The following DLGAP2 variants were observed in gnomAD, a reference collection of about 807,000 sequenced individuals.
DLGAP2 encodes the protein DLG associated protein 2, also known as disks large-associated protein 2.
DLGAP2 carries 26 observed loss-of-function variants against 100.3 expected under a neutral mutation model. That is an observed-to-expected ratio of 0.26 (90% CI 0.19 to 0.36). The LOEUF (loss-of-function observed/expected upper bound fraction) is 0.36, where lower values mean the gene tolerates loss of function less well. Ranked by LOEUF, DLGAP2 falls within the 10% of genes least tolerant of loss-of-function variation. The pLI is 1.00. For synonymous variants in DLGAP2, 886 were observed against 630.1 expected, an observed-to-expected ratio of 1.41 and a Z score of -6.08; for missense variants, 1,858 against 1,453.2, an observed-to-expected ratio of 1.28 and a Z score of -4.53.
At chr8:984,366 A>C (rs1354085802) in intron 2 of DLGAP2, among the ~76,000 whole-genome samples, 3 of 152,178 alleles carry the variant, frequency 2.0e-5, no homozygotes. Context: ...CCATAAAAAA[A>C]CTTCACTAAA....
At chr8:1,204,510 T>G (rs1797948685) in intron 2 of DLGAP2, among the ~76,000 whole-genome samples, 1 of 152,234 alleles carries the variant, frequency 6.6e-6, no homozygotes, top group African/African-American at 2.4e-5. Context: ...ATCTTAGTTT[T>G]CACACCTGGT....
rs369372179 is a variant in DLGAP2 at position 747,040 on chromosome 8, C to T, written c.18+9215C>T. ...CTAGGAAGGGAAATGGGCCCCTTGC[C>T]CTGGGCCTGGGGTGGTTTTACTCGC... On this transcript the variant is annotated intron_variant, in intron 1 of 14. Transcript: ENST00000637795. 3.7e-3 allele frequency among the ~76,000 whole-genome samples: 565 copies of T among 152,064 alleles called. 4 individuals are homozygous for T. The highest frequency in any genetic ancestry group is 0.014 in the South Asian group (69 of 4,810).
chr8:1,595,284 T>C (rs1316918780), intron 6 of DLGAP2, among the ~76,000 whole-genome samples: 1 of 152,036 alleles, frequency 6.6e-6, no homozygotes, highest in Non-Finnish European at 1.5e-5. Context: ...ATATATAAAC[T>C]TTTTATTGAC....
intron 2 of DLGAP2, among the ~76,000 whole-genome samples, chr8:1,128,969 A>G (rs1428862387): frequency 1.3e-5 from 2 of 152,182 alleles, no homozygotes; most frequent in Non-Finnish European, 2.9e-5. Flanking sequence ...TGGCAAGCTG[A>G]CGCTCCCCAC....
intron 5 of DLGAP2, among the ~76,000 whole-genome samples, chr8:1,556,300 C>G (rs980961733): frequency 1.3e-5 from 2 of 152,166 alleles, no homozygotes; most frequent in Non-Finnish European, 2.9e-5. Flanking sequence ...GGCTCTGCTC[C>G]TGTGGGTGTG....
At position 1,156,639 on chromosome 8, in the gene DLGAP2, G is replaced by GCTCAGCGCGCCA; in HGVS notation, c.74-102212_74-102211insCTCAGCGCGCCA. ...GCCCAGCGCCCCAGCCCAGCGCCCC[G>GCTCAGCGCGCCA]GCTCAGCGCCCCAGCCCAGCGCCCC... On this transcript the variant is annotated intron_variant, in intron 2 of 14. Transcript: ENST00000637795. Among the ~76,000 whole-genome samples the GCTCAGCGCGCCA allele has an allele frequency of 2.7e-5, 4 of 147,546 alleles. No individual in the cohort carries two copies. In the South Asian group the frequency reaches 8.6e-4, roughly 32 times the overall value.
Position 1,320,143 on chromosome 8 carries a change from G to A in DLGAP2, c.106+61260G>A, listed in dbSNP as rs547584095. On this transcript the variant is annotated intron_variant, in intron 3 of 14. Transcript: ENST00000637795. ...GGTGAGGAAGAGGAGGGCTGAAGGG[G>A]ACGGCCTGTGTTCCAGCTGAGTGTT... Among the ~76,000 whole-genome samples, 44 of 152,214 alleles carry A rather than the reference G, an allele frequency of 2.9e-4. No homozygotes were observed. In the South Asian group the frequency reaches 6.2e-3, roughly 22 times the overall value.
At chr8:1,009,543 C>G (rs917305169) in intron 2 of DLGAP2, among the ~76,000 whole-genome samples, 1 of 152,150 alleles carries the variant, frequency 6.6e-6, no homozygotes, top group African/African-American at 2.4e-5. Flanking sequence ...TAGCTTTACA[C>G]GTGGGAATTT....
chr8:1,598,730 T>C (rs1796534180), intron 6 of DLGAP2, among the ~76,000 whole-genome samples: 1 of 152,172 alleles, frequency 6.6e-6, no homozygotes, highest in African/African-American at 2.4e-5. Context: ...TCATTTTTTA[T>C]TGTGTCTATT....
rs3080806 is a variant in DLGAP2 at position 1,135,503 on chromosome 8, G to GTTTTTTTTTTTT, written c.74-123335_74-123324dup. Among the ~76,000 whole-genome samples, 25 of 92,192 alleles carry GTTTTTTTTTTTT rather than the reference G, an allele frequency of 2.7e-4. 1 individual carries two copies. The highest frequency in any genetic ancestry group is 2.9e-4 in the Non-Finnish European group (15 of 51,152). The allele number at this position is 92,192 out of a possible 152,430, so 60.5% of individuals were successfully genotyped here. On this transcript the variant is annotated intron_variant, in intron 2 of 14. Coordinates refer to ENST00000637795, the MANE Select transcript of DLGAP2 (RefSeq NM_001346810.2). The stretch of plus-strand genomic sequence containing the variant: ...GGATCCTAGAAGGGTTTTTTTGTGG[G>GTTTTTTTTTTTT]TTTTTTTTTTTTTTTTTTTTTTTTG...
At chr8:1,308,412 T>G (rs1004127454) in intron 3 of DLGAP2, among the ~76,000 whole-genome samples, 2 of 152,192 alleles carry the variant, frequency 1.3e-5, no homozygotes, top group Non-Finnish European at 2.9e-5. Flanking sequence ...GAAGAAGGGT[T>G]TCCAGAGTCA....
At position 1,468,088 on chromosome 8, in the gene DLGAP2, A is replaced by T. The variant is rs538387153; in HGVS notation, c.107-33278A>T. Reference sequence around the variant, plus strand: ...CTGTACAGAGACACTTTCAGAAATCACTTGCCAAAGACGTGGACCCAGGGT... The same window carrying T: ...CTGTACAGAGACACTTTCAGAAATCTCTTGCCAAAGACGTGGACCCAGGGT... On this transcript the variant is annotated intron_variant, in intron 3 of 14. Transcript: ENST00000637795. Among the ~76,000 whole-genome samples the T allele has an allele frequency of 5.3e-5, 8 of 152,356 alleles. No homozygotes were observed. In the East Asian group the frequency reaches 1.5e-3, roughly 29 times the overall value.
At chr8:1,375,306 C>T (rs533889439) in intron 3 of DLGAP2, among the ~76,000 whole-genome samples, 5 of 57,032 alleles carry the variant, frequency 8.8e-5, no homozygotes, top group African/African-American at 5.4e-4. Flanking sequence ...TCCACGGCCT[C>T]AGAACTGAGC....
intron 1 of DLGAP2, among the ~76,000 whole-genome samples, chr8:808,519 C>A (rs976882460): frequency 9.2e-5 from 14 of 152,188 alleles, no homozygotes; most frequent in African/African-American, 3.1e-4. Flanking sequence ...GGGATTCCTT[C>A]CTCATCTGAA....
intron 4 of DLGAP2, among the ~76,000 whole-genome samples, chr8:1,530,699 A>G (rs927595522): frequency 1.3e-5 from 2 of 152,244 alleles, no homozygotes; most frequent in South Asian, 2.1e-4. Context: ...GGGAACTAAT[A>G]AATGTCCATG....
At chr8:1,501,744 A>C (rs1228776742) in intron 4 of DLGAP2, among the ~76,000 whole-genome samples, 1 of 152,174 alleles carries the variant, frequency 6.6e-6, no homozygotes, top group Non-Finnish European at 1.5e-5. Flanking sequence ...TATTCTAAGC[A>C]AACTCAGGAA....
intron 1 of DLGAP2, among the ~76,000 whole-genome samples, chr8:772,289 G>T (rs189052026): frequency 1.4e-4 from 22 of 152,086 alleles, no homozygotes; most frequent in African/African-American, 4.8e-4. Flanking sequence ...TTAAACCATC[G>T]TGTTTAAAAT....
At chr8:741,664 C>T (rs1373574076) in intron 1 of DLGAP2, among the ~76,000 whole-genome samples, 1 of 152,176 alleles carries the variant, frequency 6.6e-6, no homozygotes, top group Non-Finnish European at 1.5e-5. Flanking sequence ...CTGCAGACTC[C>T]AGTGTATTTG....
chr8:1,193,381 G>A (rs1199239714), intron 2 of DLGAP2, among the ~76,000 whole-genome samples: 1 of 152,132 alleles, frequency 6.6e-6, no homozygotes, highest in Non-Finnish European at 1.5e-5. Context: ...GGTCTGAGAT[G>A]GTATCTCATT....
Sources: gnomAD v4.1 joint callset for allele counts (sites outside exome capture counted in the v4.1 genomes callset) on GRCh38, gnomAD v4.1.1 for gene constraint, MANE v1.5 for transcripts, NCBI Gene and HGNC (gene_info 2026-07-23, HGNC 2026-07-21) for gene names.